LARP7: variants seen among roughly 807,000 people sequenced by gnomAD.
LARP7 encodes la-related protein 7.
A neutral mutation model predicts 69.3 loss-of-function variants in LARP7; 52 were observed. That is an observed-to-expected ratio of 0.75 (90% CI 0.60 to 0.95). The LOEUF (loss-of-function observed/expected upper bound fraction) is 0.95. LARP7 is among the 40% of genes least tolerant of loss of function. The pLI, the probability that LARP7 is intolerant of heterozygous loss-of-function variation, is 0.00. For synonymous variants in LARP7, 254 were observed against 215.9 expected (o/e 1.18, Z -1.55); for missense variants, 733 against 673.0 (o/e 1.09, Z -0.99).
chr4:112,650,614 C>T (rs762309452), intron 10 of LARP7, 32 bp downstream of exon 10: 2 of 1,579,994 alleles, frequency 1.3e-6, no homozygotes, highest in Non-Finnish European at 1.7e-6. Context: ...GGTATTTGTT[C>T]CTTTCTTCTC....
chr4:112,648,239 G>A (rs746814799), intron 8 of LARP7: 3 of 531,994 alleles, frequency 5.6e-6, no homozygotes, highest in Admixed American at 1.9e-5. Context: ...GTACATCCAC[G>A]TTTAAGTGGT....
intron 2 of LARP7, 50 bp from the exon 3 acceptor site, chr4:112,646,301 G>T (rs1245193957): frequency 1.1e-6 from 1 of 941,192 alleles, no homozygotes. Context: ...GTACCAAATT[G>T]AATTAATCCT....
intron 11 of LARP7, 78 bp downstream of exon 11, chr4:112,653,314 TG>T: frequency 8.0e-7 from 1 of 1,255,346 alleles, no homozygotes; most frequent in Non-Finnish European, 1.1e-6. Context: ...GTTTGGCTAA[TG>T]AAACTAGTTT....
intron 10 of LARP7, among the ~76,000 whole-genome samples, chr4:112,651,818 A>G (rs991720949): frequency 6.6e-6 from 1 of 152,154 alleles, no homozygotes; most frequent in African/African-American, 2.4e-5. Context: ...GATATTTAGT[A>G]TATATCTTTT....
At chr4:112,648,645 T>C in intron 8 of LARP7, 1 of 417,316 alleles carries the variant, frequency 2.4e-6, no homozygotes, top group Non-Finnish European at 5.0e-6. Flanking sequence ...AAGAAAAAAA[T>C]TTTTTTACCT....
In LARP7 at chr4:112,647,239, A is replaced by AAATCC. The variant is rs763194458; in HGVS notation, c.689_690insTCCAA (p.Lys230AsnfsTer24). ...AAAAGAAGAAGAAAGGCCGAATGAA[A>AAATCC]AAGGAAGACAATATCCAAGCCAAAG... On this transcript the variant is annotated frameshift_variant, in exon 7 of 13. Coordinates refer to ENST00000344442, the MANE Select transcript of LARP7 (RefSeq NM_016648.4). LOFTEE classifies it high-confidence loss of function. 1.5e-5 allele frequency: 24 copies of AAATCC among 1,598,710 alleles called. No homozygotes were observed. The highest frequency in any genetic ancestry group is 7.2e-5 in the Admixed American group (4 of 55,258).
chr4:112,646,217 G>A (rs1171951862), intron 2 of LARP7, 134 bp from the exon 3 acceptor site: 15 of 469,744 alleles, frequency 3.2e-5, no homozygotes, highest in Admixed American at 7.9e-5. Context: ...CCATCCACCC[G>A]CCTTGGCCTC....
chr4:112,654,171 A>G lies in LARP7; in HGVS notation c.1668+12A>G. 1 of 1,606,788 alleles carries G rather than the reference A, an allele frequency of 6.2e-7. No homozygotes were observed. Among genetic ancestry groups the G allele is most frequent in the Non-Finnish European group, 8.5e-7 (1 of 1,173,808 alleles). On this transcript the variant is annotated intron_variant, in intron 12 of 12. Coordinates refer to ENST00000344442, the MANE Select transcript of LARP7 (RefSeq NM_016648.4). ...GAGGCACTGAAAAGGTAATTGATTC[A>G]TTTTTGTTTTTTTAGACTAAACTTT...
intron 12 of LARP7, among the ~76,000 whole-genome samples, chr4:112,655,909 G>A (rs2048934507): frequency 6.6e-6 from 1 of 152,114 alleles, no homozygotes; most frequent in Non-Finnish European, 1.5e-5. Flanking sequence ...GACTGTCAGG[G>A]ACTAGAAGAC....
intron 1 of LARP7, chr4:112,644,326 G>C: frequency 3.2e-6 from 1 of 309,854 alleles, no homozygotes. Flanking sequence ...GGGGTGTTGC[G>C]ATGGAGAGTG....
At chr4:112,651,347 T>A (rs1449634333) in intron 10 of LARP7, among the ~76,000 whole-genome samples, 1 of 152,192 alleles carries the variant, frequency 6.6e-6, no homozygotes, top group Admixed American at 6.5e-5. Flanking sequence ...TTATCTGAAA[T>A]ACTGTCCTAC....
At chr4:112,645,116 T>C (rs549565404) in intron 2 of LARP7, among the ~76,000 whole-genome samples, 43 of 151,904 alleles carry the variant, frequency 2.8e-4, no homozygotes, top group African/African-American at 1.0e-3. Context: ...CCGGCTAATT[T>C]TTGTATTTTC....
At chr4:112,638,386 GACTC>G (rs1246755341) in intron 1 of LARP7, among the ~76,000 whole-genome samples, 3 of 152,174 alleles carry the variant, frequency 2.0e-5, no homozygotes, top group African/African-American at 7.2e-5. Flanking sequence ...TGTCTTGTCT[GACTC>G]ACTCTTCCAA....
At chr4:112,652,884 A>G (rs530568954) in intron 10 of LARP7, among the ~76,000 whole-genome samples, 193 bp from the exon 11 acceptor site, 1 of 152,278 alleles carries the variant, frequency 6.6e-6, no homozygotes, top group African/African-American at 2.4e-5. Flanking sequence ...ATAAATTACT[A>G]GAGTTGATAT....
At position 112,639,875 on chromosome 4, in the gene LARP7, A is replaced by C. The variant is rs191070410; in HGVS notation, c.-3+2636A>C. Among the ~76,000 whole-genome samples, 21 of 152,260 alleles carry C rather than the reference A, an allele frequency of 1.4e-4. No individual in the cohort carries two copies. In the East Asian group the frequency reaches 4.0e-3, roughly 29 times the overall value. ...GGATAATTATCAATAATTTATAATT[A>C]TAGATTATCAATTATAGAATTATAA... On this transcript the variant is annotated intron_variant, in intron 1 of 12. Coordinates refer to ENST00000344442, the MANE Select transcript of LARP7 (RefSeq NM_016648.4).
intron 1 of LARP7, among the ~76,000 whole-genome samples, chr4:112,643,303 C>T (rs775001877): frequency 6.6e-6 from 1 of 152,194 alleles, no homozygotes; most frequent in Non-Finnish European, 1.5e-5. Flanking sequence ...GGGGACCGCA[C>T]TGAGGTGACA....
intron 12 of LARP7, among the ~76,000 whole-genome samples, chr4:112,656,540 C>A (rs1279739722): frequency 1.3e-5 from 2 of 152,152 alleles, no homozygotes; most frequent in Non-Finnish European, 2.9e-5. Context: ...TGTAGTATGC[C>A]CTATGATTTT....
chr4:112,655,928 T>G (rs1012570690), intron 12 of LARP7, among the ~76,000 whole-genome samples: 1 of 152,004 alleles, frequency 6.6e-6, no homozygotes, highest in African/African-American at 2.4e-5. Context: ...ACCAGTGTAG[T>G]TGGAGTACTA....
chr4:112,638,394 C>T (rs1286763371), intron 1 of LARP7, among the ~76,000 whole-genome samples: 2 of 152,214 alleles, frequency 1.3e-5, no homozygotes, highest in African/African-American at 4.8e-5. Flanking sequence ...CTGACTCACT[C>T]TTCCAAGTTA....
Sources: allele counts gnomAD v4.1 joint callset (sites outside exome capture counted in the v4.1 genomes callset), GRCh38; gene constraint gnomAD v4.1.1; transcripts MANE v1.5; gene names NCBI Gene and HGNC (gene_info 2026-07-23, HGNC 2026-07-21).